Variants in MIPOL1 observed in about 807,000 individuals in gnomAD.
MIPOL1 encodes mirror-image polydactyly gene 1 protein.
A neutral mutation model predicts 60.9 loss-of-function variants in MIPOL1; 57 were observed. The observed-to-expected ratio is 0.94, with a 90% CI of 0.76 to 1.17. The LOEUF (loss-of-function observed/expected upper bound fraction) is 1.17, where lower values mean the gene tolerates loss of function less well. MIPOL1 is among the 50% of genes most tolerant of loss of function. MIPOL1 has a pLI of 0.00. For synonymous variants in MIPOL1, 179 were observed against 168.8 expected, an observed-to-expected ratio of 1.06 and a Z score of -0.47; for missense variants, 551 against 511.6, an observed-to-expected ratio of 1.08 and a Z score of -0.74.
At chr14:37,219,101 G>A (rs1396987942) in intron 1 of MIPOL1, among the ~76,000 whole-genome samples, 1 of 152,158 alleles carries the variant, frequency 6.6e-6, no homozygotes, top group East Asian at 1.9e-4. Flanking sequence ...AAGGAGCAGG[G>A]AGGGGGTCAG....
chr14:37,223,302 G>A (rs1030546343), intron 1 of MIPOL1, among the ~76,000 whole-genome samples: 2 of 151,914 alleles, frequency 1.3e-5, no homozygotes, highest in Non-Finnish European at 2.9e-5. Flanking sequence ...CAAAGTACTG[G>A]GATTACAGGC....
chr14:37,499,796 G>C, intron 11 of MIPOL1, 112 bp from the exon 12 acceptor site: 1 of 506,788 alleles, frequency 2.0e-6, no homozygotes, highest in Non-Finnish European at 3.5e-6. Context: ...GCTCATTTAA[G>C]TATTTATTGA....
chr14:37,393,379 G>A (rs1204020673), intron 10 of MIPOL1, among the ~76,000 whole-genome samples: 1 of 110,382 alleles, frequency 9.1e-6, no homozygotes, highest in Non-Finnish European at 1.7e-5. Context: ...AAAAAACTAA[G>A]GTTTTGTTTT....
intron 12 of MIPOL1, among the ~76,000 whole-genome samples, chr14:37,507,956 A>G (rs1287025011): frequency 1.3e-5 from 2 of 152,252 alleles, no homozygotes; most frequent in East Asian, 3.9e-4. Context: ...AGCTAGATGA[A>G]GTATTATCGG....
intron 11 of MIPOL1, among the ~76,000 whole-genome samples, chr14:37,473,282 G>T (rs2094716507): frequency 6.6e-6 from 1 of 152,064 alleles, no homozygotes; most frequent in Admixed American, 6.6e-5. Flanking sequence ...GCTCCACCAT[G>T]GGCAGAGGCA....
intron 7 of MIPOL1, among the ~76,000 whole-genome samples, chr14:37,303,275 C>T (rs2086479540): frequency 6.6e-6 from 1 of 151,826 alleles, no homozygotes; most frequent in African/African-American, 2.4e-5. Context: ...GTCAGAATGT[C>T]TACCTCAGAT....
intron 1 of MIPOL1, among the ~76,000 whole-genome samples, chr14:37,238,823 T>C (rs1393312665): frequency 2.0e-5 from 3 of 150,752 alleles, no homozygotes; most frequent in Admixed American, 6.6e-5. Flanking sequence ...GTGTGACGGC[T>C]CATACCAGTG....
At chr14:37,433,380 C>A (rs893761713) in intron 11 of MIPOL1, among the ~76,000 whole-genome samples, 1 of 152,084 alleles carries the variant, frequency 6.6e-6, no homozygotes, top group Non-Finnish European at 1.5e-5. Flanking sequence ...TGCCCCCCAA[C>A]CTCCAACAGG....
At chr14:37,294,181 T>C (rs2085385565) in intron 7 of MIPOL1, among the ~76,000 whole-genome samples, 1 of 152,190 alleles carries the variant, frequency 6.6e-6, no homozygotes. Flanking sequence ...CCACCACTGC[T>C]GATACCCAGG....
chr14:37,230,613 C>T (rs1970471094), intron 1 of MIPOL1, among the ~76,000 whole-genome samples: 1 of 152,158 alleles, frequency 6.6e-6, no homozygotes, highest in Non-Finnish European at 1.5e-5. Flanking sequence ...ATAAATATTA[C>T]TTATCAAATG....
chr14:37,340,438 CA>C (rs1247977481), intron 9 of MIPOL1, among the ~76,000 whole-genome samples: 2 of 152,116 alleles, frequency 1.3e-5, no homozygotes, highest in Admixed American at 6.6e-5. Context: ...AGGCCAGGCA[CA>C]GTGGCTTACT....
At chr14:37,373,711 A>C (rs1468045152) in intron 10 of MIPOL1, among the ~76,000 whole-genome samples, 1 of 152,152 alleles carries the variant, frequency 6.6e-6, no homozygotes. Flanking sequence ...CAAAGGACAT[A>C]AACTCATCCT....
chr14:37,236,622 G>C (rs1277162942), intron 1 of MIPOL1, among the ~76,000 whole-genome samples: 1 of 151,978 alleles, frequency 6.6e-6, no homozygotes, highest in African/African-American at 2.4e-5. Context: ...ATTTTTAGTA[G>C]AGACGGGGTT....
intron 3 of MIPOL1, among the ~76,000 whole-genome samples, chr14:37,257,095 T>TTGTGTGTGTGTGTGTGTGTG (rs61079220): frequency 2.0e-4 from 28 of 137,790 alleles, no homozygotes; most frequent in Middle Eastern, 3.7e-3. Context: ...TGGTTTTGTT[T>TTGTGTGTGTGTGTGTGTGTG]TGTGTGTGTG....
intron 12 of MIPOL1, among the ~76,000 whole-genome samples, chr14:37,533,068 T>TC (rs2095489103): frequency 6.6e-6 from 1 of 152,160 alleles, no homozygotes; most frequent in Non-Finnish European, 1.5e-5. Context: ...TTATACTAAT[T>TC]AAATAAAGTA....
At chr14:37,451,048 TTA>T (rs2094409757) in intron 11 of MIPOL1, among the ~76,000 whole-genome samples, 1 of 152,206 alleles carries the variant, frequency 6.6e-6, no homozygotes, top group Non-Finnish European at 1.5e-5. Context: ...AGTCATAATA[TTA>T]TAGTTTTTAA....
intron 10 of MIPOL1, among the ~76,000 whole-genome samples, chr14:37,405,698 CTTTCA>C (rs1214645375): frequency 6.6e-6 from 1 of 151,488 alleles, no homozygotes; most frequent in Non-Finnish European, 1.5e-5. Context: ...ACTTTTAGTA[CTTTCA>C]TTTAATTGTG....
chr14:37,391,809 A>G (rs1448966302), intron 10 of MIPOL1, among the ~76,000 whole-genome samples: 3 of 152,176 alleles, frequency 2.0e-5, no homozygotes, highest in Non-Finnish European at 2.9e-5. Flanking sequence ...AAAATGTTCT[A>G]AGGTATAGCA....
chr14:37,198,702 G>A (rs908503454), intron 1 of MIPOL1, among the ~76,000 whole-genome samples: 1 of 152,166 alleles, frequency 6.6e-6, no homozygotes, highest in African/African-American at 2.4e-5. Flanking sequence ...ATGGTAGAAA[G>A]GAACAACTTT....
Sources: gnomAD v4.1 joint callset for allele counts (sites outside exome capture counted in the v4.1 genomes callset) on GRCh38, gnomAD v4.1.1 for gene constraint, MANE v1.5 for transcripts, NCBI Gene and HGNC (gene_info 2026-07-23, HGNC 2026-07-21) for gene names.